The following DOCK1 variants were observed in gnomAD, a reference collection of about 807,000 sequenced individuals.
DOCK1 encodes dedicator of cytokinesis 1.
In DOCK1, 138 loss-of-function variants were observed where a neutral mutation model predicts 262.7. The ratio of observed to expected loss-of-function variants is 0.53; its 90% confidence interval spans 0.46 to 0.61. The LOEUF (loss-of-function observed/expected upper bound fraction) is 0.61. Among genes scored for constraint, DOCK1 ranks in the 20% least tolerant of loss-of-function variants. The probability of loss-of-function intolerance (pLI) is 0.00; values close to 1 mark genes in which losing one functional copy is unlikely to be tolerated. For missense variants in DOCK1, 1,908 were observed against 2,370.7 expected (o/e 0.80, Z 4.05); for synonymous variants, 866 against 867.4 (o/e 1.00, Z 0.03).
At chr10:127,359,811 C>A (rs1222488513) in intron 32 of DOCK1, among the ~76,000 whole-genome samples, 3 of 151,690 alleles carry the variant, frequency 2.0e-5, no homozygotes, top group African/African-American at 7.3e-5. Context: ...ATTCTCTTTA[C>A]AGAAATGTAT....
rs150277021 is a variant in DOCK1 at position 127,239,994 on chromosome 10, G to C, written c.2848-8014G>C. On this transcript the variant is annotated intron_variant, in intron 27 of 51. Coordinates refer to ENST00000623213, the MANE Select transcript of DOCK1 (RefSeq NM_001290223.2). ...TATACTTTATAAGTAGCAAATAACT[G>C]TTATGGGTAATTTAAGATCCAGATA... 6.8e-3 allele frequency among the ~76,000 whole-genome samples: 1,035 copies of C among 152,098 alleles called. 12 individuals are homozygous for C. Among genetic ancestry groups the C allele is most frequent in the Non-Finnish European group, 0.011 (718 of 67,948 alleles).
At chr10:126,919,239 C>T (rs1244381703) in intron 1 of DOCK1, among the ~76,000 whole-genome samples, 1 of 152,184 alleles carries the variant, frequency 6.6e-6, no homozygotes, top group African/African-American at 2.4e-5. Context: ...AATAAAGGCA[C>T]TTATCAACCT....
intron 32 of DOCK1, among the ~76,000 whole-genome samples, chr10:127,361,192 C>A (rs779703086): frequency 6.9e-6 from 1 of 144,194 alleles, no homozygotes; most frequent in Non-Finnish European, 1.5e-5. Context: ...TGGCTCACTG[C>A]GACCTCTTCC....
chr10:127,102,266 T>C (rs1450498133), intron 23 of DOCK1, among the ~76,000 whole-genome samples: 1 of 152,178 alleles, frequency 6.6e-6, no homozygotes, highest in Admixed American at 6.5e-5. Context: ...CTTTCACATG[T>C]CTCCACTGTC....
chr10:127,214,306 G>C (rs2058109669), intron 27 of DOCK1, among the ~76,000 whole-genome samples: 1 of 152,028 alleles, frequency 6.6e-6, no homozygotes, highest in South Asian at 2.1e-4. Flanking sequence ...TTTGTGATGT[G>C]GTCTCTACAC....
chr10:127,441,136 C>T (rs1028498532), intron 49 of DOCK1, among the ~76,000 whole-genome samples: 3 of 152,338 alleles, frequency 2.0e-5, no homozygotes, highest in Admixed American at 1.3e-4. Context: ...GCAGTTGTGC[C>T]AAGTGGCAGA....
At chr10:127,075,620 C>T (rs998302128) in intron 23 of DOCK1, among the ~76,000 whole-genome samples, 19 of 152,126 alleles carry the variant, frequency 1.2e-4, no homozygotes, top group East Asian at 7.7e-4. Flanking sequence ...TGGAGGAAGA[C>T]GAAGGGGAAG....
chr10:126,949,183 A>T (rs2035943642), intron 1 of DOCK1, among the ~76,000 whole-genome samples: 1 of 152,036 alleles, frequency 6.6e-6, no homozygotes, highest in African/African-American at 2.4e-5. Context: ...TGATTCCCGA[A>T]GGTGTTTATT....
At chr10:126,917,767 A>AAGG (rs1229301842) in intron 1 of DOCK1, among the ~76,000 whole-genome samples, 1 of 152,026 alleles carries the variant, frequency 6.6e-6, no homozygotes, top group African/African-American at 2.4e-5. Context: ...TGGAAGTGGG[A>AAGG]AGGAGGAGGA....
In DOCK1 at chr10:127,031,769, G is replaced by C. The variant is rs763520765; in HGVS notation, c.1728+16G>C. On this transcript the variant is annotated intron_variant, in intron 17 of 51. Coordinates refer to ENST00000623213, the MANE Select transcript of DOCK1 (RefSeq NM_001290223.2). ...CGTCTATAAGGTATCTGGTTGCATT[G>C]GTGCAATATTGCTGCTATAGACAGT... is the stretch of plus-strand genomic sequence containing the variant. 1.9e-6 allele frequency: 3 copies of C among 1,600,978 alleles called. No individual in the cohort carries two copies. Among genetic ancestry groups the C allele is most frequent in the Admixed American group, 3.4e-5 (2 of 58,216 alleles).
At chr10:127,257,291 T>G (rs752759530) in intron 28 of DOCK1, 44 bp from the exon 29 acceptor site, 4 of 1,485,654 alleles carry the variant, frequency 2.7e-6, no homozygotes, top group Non-Finnish European at 3.7e-6. Flanking sequence ...CATGTTTACC[T>G]TTTTCTTTGT....
chr10:127,261,194 T>TGG (rs1673002265), intron 29 of DOCK1, among the ~76,000 whole-genome samples: 1 of 132,062 alleles, frequency 7.6e-6, no homozygotes, highest in Non-Finnish European at 1.6e-5. Flanking sequence ...TGCATGCGGG[T>TGG]GTGTGTGTGT....
At chr10:127,438,977 G>T in intron 48 of DOCK1, 50 bp from the exon 49 acceptor site, 1 of 1,487,856 alleles carries the variant, frequency 6.7e-7, no homozygotes. Context: ...GTGTCTGTGG[G>T]CTGGAAAGCA....
intron 47 of DOCK1, 106 bp from the exon 48 acceptor site, chr10:127,433,177 A>T (rs2069417800): frequency 2.0e-6 from 3 of 1,464,608 alleles, no homozygotes; most frequent in Admixed American, 2.0e-5. Context: ...AGTCTGAACG[A>T]TGATGGTCTC....
chr10:126,922,234 A>T (rs916241832), intron 1 of DOCK1, among the ~76,000 whole-genome samples: 15 of 142,244 alleles, frequency 1.1e-4, no homozygotes, highest in Non-Finnish European at 1.7e-4. Context: ...AAAAAAAAAA[A>T]GGAAAGAGTT....
rs188635875 is a variant in DOCK1, at chr10:127,354,116, A to G, written c.3225-553A>G. On this transcript the variant is annotated intron_variant, in intron 31 of 51. Transcript: ENST00000623213. ...CATGAAACACACACCTCCTCTATGCACCCATCGAGAGGAAAATTAGCATTT... is the reference window on the plus strand; with the variant it reads ...CATGAAACACACACCTCCTCTATGCGCCCATCGAGAGGAAAATTAGCATTT... Among the ~76,000 whole-genome samples the G allele has an allele frequency of 1.2e-3, 187 of 152,336 alleles. 1 individual carries two copies. The highest frequency in any genetic ancestry group is 4.3e-3 in the African/African-American group (180 of 41,576).
At chr10:127,429,105 A>G (rs956838354) in intron 47 of DOCK1, among the ~76,000 whole-genome samples, 22 of 147,484 alleles carry the variant, frequency 1.5e-4, no homozygotes, top group Non-Finnish European at 2.7e-4. Context: ...GTGGATTGGG[A>G]TGCTGTGTGT....
chr10:127,390,320 G>A (rs990245962), intron 38 of DOCK1, among the ~76,000 whole-genome samples: 4 of 152,034 alleles, frequency 2.6e-5, no homozygotes, highest in African/African-American at 9.7e-5. Context: ...GCGGCCATTG[G>A]GCCCACGTGA....
chr10:127,423,343 A>G (rs7097526), intron 46 of DOCK1, among the ~76,000 whole-genome samples: 40,725 of 151,940 alleles, frequency 0.27, 5,830 homozygotes, highest in African/African-American at 0.36. Context: ...TCTGATGCAT[A>G]AAATGGTTTG....
Sources: allele counts gnomAD v4.1 joint callset (sites outside exome capture counted in the v4.1 genomes callset), GRCh38; gene constraint gnomAD v4.1.1; transcripts MANE v1.5; gene names NCBI Gene and HGNC (gene_info 2026-07-23, HGNC 2026-07-21).